Variants in ELAPOR1 observed in about 807,000 individuals in gnomAD.
ELAPOR1 encodes the protein endosome/lysosome-associated apoptosis and autophagy regulator 1.
Under a neutral mutation model 119.7 loss-of-function variants are expected in ELAPOR1, and 77 were observed. That is an observed-to-expected ratio of 0.64 (90% confidence interval 0.54 to 0.78). The LOEUF (loss-of-function observed/expected upper bound fraction) is 0.78. ELAPOR1 is among the 30% of genes least tolerant of loss of function. ELAPOR1 has a pLI of 0.00. For missense variants in ELAPOR1, 1,115 were observed against 1,270.4 expected (o/e 0.88, Z 1.86); for synonymous variants, 481 against 487.2 (o/e 0.99, Z 0.17).
intron 1 of ELAPOR1, among the ~76,000 whole-genome samples, chr1:109,117,610 G>A (rs1017296349): frequency 1.3e-5 from 2 of 152,112 alleles, no homozygotes; most frequent in African/African-American, 4.8e-5. Flanking sequence ...CTGTGAAATG[G>A]GGATGGTAAT....
intron 1 of ELAPOR1, among the ~76,000 whole-genome samples, chr1:109,154,631 T>A (rs930688371): frequency 2.0e-5 from 3 of 152,150 alleles, no homozygotes; most frequent in Non-Finnish European, 4.4e-5. Context: ...GTTGCAGTCA[T>A]CATTGGCCAG....
Position 109,197,500 on chromosome 1 carries a change from C to A in ELAPOR1, c.2148C>A (p.Asp716Glu), listed in dbSNP as rs761825877. Residue 716 changes from aspartate to glutamate, a missense_variant, in exon 16 of 22, where the codon GAC becomes GAA. Physicochemically the swap from Asp to Glu is conservative, Grantham distance 45. Transcript: ENST00000369939. ...GTAGGAAAATGTCTGTGTGCACCGA[C>A]AATGTCACTGACCTCCGGATTCCTG... is the stretch of plus-strand genomic sequence containing the variant. The part of the protein sequence containing the change: ...NQGRKMSVCT[D>E]NVTDLRIPEG... 1 of 1,614,158 alleles carries A rather than the reference C, an allele frequency of 6.2e-7. No homozygotes were observed.
chr1:109,155,501 T>C (rs1459559851), intron 1 of ELAPOR1, among the ~76,000 whole-genome samples: 1 of 152,168 alleles, frequency 6.6e-6, no homozygotes, highest in South Asian at 2.1e-4. Flanking sequence ...TCTTAGAATG[T>C]AGAAGAACAG....
At chr1:109,182,799 G>A (rs546956596) in intron 7 of ELAPOR1, among the ~76,000 whole-genome samples, 14 of 151,350 alleles carry the variant, frequency 9.3e-5, no homozygotes, top group Admixed American at 3.3e-4. Context: ...CCCGGGAGGC[G>A]GAGCTTGCAG....
chr1:109,196,589 T>G (rs1653806819), intron 15 of ELAPOR1, among the ~76,000 whole-genome samples: 1 of 151,848 alleles, frequency 6.6e-6, no homozygotes, highest in African/African-American at 2.4e-5. Context: ...ACAAAAGAAC[T>G]CTATTTTATT....
intron 1 of ELAPOR1, among the ~76,000 whole-genome samples, chr1:109,150,020 C>T (rs1650432613): frequency 6.6e-6 from 1 of 152,244 alleles, no homozygotes; most frequent in South Asian, 2.1e-4. Flanking sequence ...ATTACTGCCG[C>T]AGTCCTGTCT....
intron 20 of ELAPOR1, 142 bp downstream of exon 20, chr1:109,200,379 T>C: frequency 1.0e-6 from 1 of 965,906 alleles, no homozygotes; most frequent in Non-Finnish European, 1.5e-6. Context: ...GGTTTGGTTA[T>C]CCTGACTCCT....
At chr1:109,184,621 C>T (rs988230297) in intron 7 of ELAPOR1, among the ~76,000 whole-genome samples, 1 of 152,232 alleles carries the variant, frequency 6.6e-6, no homozygotes, top group Non-Finnish European at 1.5e-5. Context: ...AGAAAAACCA[C>T]ACCCAGAGTC....
chr1:109,189,304 G>A, intron 10 of ELAPOR1, 110 bp downstream of exon 10: 2 of 1,347,926 alleles, frequency 1.5e-6, no homozygotes, highest in Non-Finnish European at 2.0e-6. Context: ...AGCTAACCAT[G>A]TCATGCATTC....
At chr1:109,137,717 G>A (rs919353483) in intron 1 of ELAPOR1, among the ~76,000 whole-genome samples, 1 of 150,890 alleles carries the variant, frequency 6.6e-6, no homozygotes, top group Admixed American at 6.6e-5. Context: ...TAGTAGAGAC[G>A]GGGTTTCTCC....
chr1:109,123,409 A>G (rs1648569821), intron 1 of ELAPOR1, among the ~76,000 whole-genome samples: 1 of 152,212 alleles, frequency 6.6e-6, no homozygotes, highest in Non-Finnish European at 1.5e-5. Flanking sequence ...TACTTTCAGC[A>G]TCTTTCTATA....
At chr1:109,137,828 T>TA (rs1649575901) in intron 1 of ELAPOR1, among the ~76,000 whole-genome samples, 1 of 152,178 alleles carries the variant, frequency 6.6e-6, no homozygotes, top group Non-Finnish European at 1.5e-5. Context: ...GCGCCCGGCC[T>TA]AAATTTATTT....
intron 8 of ELAPOR1, among the ~76,000 whole-genome samples, chr1:109,185,405 GT>G (rs1447595666): frequency 5.3e-5 from 8 of 150,818 alleles, no homozygotes; most frequent in Non-Finnish European, 1.2e-4. Context: ...CTCTTGCTTG[GT>G]TTCTTCTATT....
In ELAPOR1 at chr1:109,198,653, C is replaced by T. The variant is rs766456877; in HGVS notation, c.2480C>T (p.Pro827Leu). 1.7e-5 allele frequency: 27 copies of T among 1,613,508 alleles called. No individual in the cohort carries two copies. The highest frequency in any genetic ancestry group is 2.3e-5 in the Non-Finnish European group (27 of 1,179,854). ...RVRCSPQKTV[P>L]GSLLLPGTCS... Reference sequence around the variant, plus strand: ...AGGTGCAGTCCACAGAAAACTGTCCCTGGAAGTTTGCTGCTGCCAGGGTAA... The same window carrying T: ...AGGTGCAGTCCACAGAAAACTGTCCTTGGAAGTTTGCTGCTGCCAGGGTAA... The change falls in exon 18 of 22, where the codon CCT becomes CTT. Residue 827 changes from proline to leucine, a missense_variant. Transcript: ENST00000369939.
intron 9 of ELAPOR1, 103 bp from the exon 10 acceptor site, chr1:109,188,963 G>A: frequency 7.2e-7 from 1 of 1,388,726 alleles, no homozygotes; most frequent in Non-Finnish European, 1.0e-6. Context: ...CCAGGCTTCT[G>A]GGCTGCCCGC....
chr1:109,197,145 A>C (rs1180569612), intron 15 of ELAPOR1, among the ~76,000 whole-genome samples: 2 of 151,520 alleles, frequency 1.3e-5, no homozygotes, highest in African/African-American at 2.4e-5. Flanking sequence ...TTACGAAAAA[A>C]AAAAAAAAAA....
intron 11 of ELAPOR1, 83 bp downstream of exon 11, chr1:109,189,765 G>C (rs17034092): frequency 0.12 from 114,053 of 980,232 alleles, 7,594 homozygotes; most frequent in Middle Eastern, 0.2. Context: ...GTAGAGGAGA[G>C]GGCTTCCGGG....
intron 1 of ELAPOR1, among the ~76,000 whole-genome samples, chr1:109,142,647 A>G (rs1177449247): frequency 1.3e-5 from 2 of 152,248 alleles, no homozygotes; most frequent in Non-Finnish European, 2.9e-5. Flanking sequence ...AAAGACAGAT[A>G]ATAACAAGTG....
At chr1:109,190,931 G>A (rs1653392452) in intron 11 of ELAPOR1, among the ~76,000 whole-genome samples, 1 of 152,134 alleles carries the variant, frequency 6.6e-6, no homozygotes, top group African/African-American at 2.4e-5. Flanking sequence ...AAACATAAAT[G>A]TGCACACGAA....
Sources: gnomAD v4.1 joint callset for allele counts (sites outside exome capture counted in the v4.1 genomes callset) on GRCh38, gnomAD v4.1.1 for gene constraint, MANE v1.5 for transcripts, NCBI Gene and HGNC (gene_info 2026-07-23, HGNC 2026-07-21) for gene names.